LPP: variants seen among roughly 807,000 people sequenced by gnomAD.
LPP encodes lipoma-preferred partner.
LPP carries 38 observed loss-of-function variants against 60.4 expected under a neutral mutation model. The ratio of observed to expected loss-of-function variants is 0.63; its 90% CI spans 0.49 to 0.83. The LOEUF is 0.83. Ranked by LOEUF, LPP falls within the 40% of genes least tolerant of loss-of-function variation. The pLI, the probability that LPP is intolerant of heterozygous loss-of-function variation, is 0.00. For missense variants in LPP, 902 were observed against 783.6 expected (o/e 1.15, Z -1.80); for synonymous variants, 328 against 290.8 (o/e 1.13, Z -1.30).
intron 6 of LPP, among the ~76,000 whole-genome samples, chr3:188,560,779 AG>A (rs1337526381): frequency 5.9e-5 from 9 of 152,126 alleles, no homozygotes; most frequent in African/African-American, 1.9e-4. Flanking sequence ...ACCTCTACAA[AG>A]GCTGTCCTTC....
chr3:188,345,002 C>G (rs1334550971), intron 3 of LPP, among the ~76,000 whole-genome samples: 34 of 152,118 alleles, frequency 2.2e-4, no homozygotes, highest in Admixed American at 2.2e-3. Context: ...AATGTCAAAG[C>G]CAGAGGGGAC....
intron 9 of LPP, among the ~76,000 whole-genome samples, chr3:188,820,567 G>A (rs1434472015): frequency 6.6e-6 from 1 of 152,110 alleles, no homozygotes; most frequent in East Asian, 1.9e-4. Context: ...TACATTCTGT[G>A]TGTTTGCTTC....
chr3:188,482,003 G>T (rs1474495707), intron 4 of LPP, among the ~76,000 whole-genome samples: 1 of 152,184 alleles, frequency 6.6e-6, no homozygotes. Context: ...GGTGGGAGGG[G>T]ATTGGATCAT....
chr3:188,622,522 T>C (rs1435486004), intron 7 of LPP, among the ~76,000 whole-genome samples: 6 of 152,206 alleles, frequency 3.9e-5, no homozygotes, highest in Admixed American at 6.5e-5. Context: ...GGAGGAAATA[T>C]GTGGTTTTTG....
intron 9 of LPP, among the ~76,000 whole-genome samples, chr3:188,800,825 T>C (rs1225136664): frequency 6.6e-6 from 1 of 152,232 alleles, no homozygotes; most frequent in Non-Finnish European, 1.5e-5. Context: ...CTATGCTTAG[T>C]AACTGCTTGC....
intron 9 of LPP, among the ~76,000 whole-genome samples, chr3:188,781,850 C>G (rs1215964293): frequency 1.3e-5 from 2 of 150,386 alleles, no homozygotes; most frequent in African/African-American, 4.9e-5. Flanking sequence ...TGAGATCATG[C>G]CACTGCACTC....
chr3:188,627,237 C>G (rs73888859), intron 7 of LPP, among the ~76,000 whole-genome samples: 3,365 of 152,212 alleles, frequency 0.022, 129 homozygotes, highest in African/African-American at 0.075. Context: ...ACTATACTAT[C>G]AAGTCTACAT....
At chr3:188,262,965 G>A (rs1245102232) in intron 2 of LPP, among the ~76,000 whole-genome samples, 2 of 152,014 alleles carry the variant, frequency 1.3e-5, no homozygotes, top group Admixed American at 6.5e-5. Context: ...GGAAAAATAC[G>A]TCAGCTCCAA....
chr3:188,165,182 G>A (rs1021456925), intron 1 of LPP, among the ~76,000 whole-genome samples: 1 of 151,966 alleles, frequency 6.6e-6, no homozygotes, highest in Non-Finnish European at 1.5e-5. Context: ...AGGCTGAGGC[G>A]GGAGGATCCC....
chr3:188,739,344 A>G (rs1342848615), intron 8 of LPP, among the ~76,000 whole-genome samples: 1 of 152,066 alleles, frequency 6.6e-6, no homozygotes, highest in Non-Finnish European at 1.5e-5. Flanking sequence ...TTTTTGGAGA[A>G]GATAGCATTT....
At chr3:188,162,080 T>C (rs1032415985) in intron 1 of LPP, among the ~76,000 whole-genome samples, 3 of 152,212 alleles carry the variant, frequency 2.0e-5, no homozygotes, top group African/African-American at 7.2e-5. Context: ...AGGTAGATCC[T>C]CCTGTGTTTG....
chr3:188,349,108 T>C (rs16863193), intron 3 of LPP, among the ~76,000 whole-genome samples: 8,877 of 152,242 alleles, frequency 0.058, 678 homozygotes, highest in African/African-American at 0.18. Flanking sequence ...TTGTGGGTGA[T>C]AACTGTTCAT....
At chr3:188,313,945 G>A (rs964781823) in intron 2 of LPP, among the ~76,000 whole-genome samples, 1 of 151,714 alleles carries the variant, frequency 6.6e-6, no homozygotes, top group Non-Finnish European at 1.5e-5. Context: ...CTGTGTTTGG[G>A]GTCTGGATTT....
intron 9 of LPP, among the ~76,000 whole-genome samples, chr3:188,787,247 G>A (rs542575701): frequency 2.9e-4 from 44 of 152,106 alleles, no homozygotes; most frequent in African/African-American, 1.0e-3. Flanking sequence ...AGATCTCTAC[G>A]TTATTTCTTT....
chr3:188,552,552 G>A (rs1266442772), intron 6 of LPP, among the ~76,000 whole-genome samples: 1 of 152,124 alleles, frequency 6.6e-6, no homozygotes, highest in Admixed American at 6.5e-5. Flanking sequence ...AGGACTCACT[G>A]GGTTAAGATG....
intron 2 of LPP, among the ~76,000 whole-genome samples, chr3:188,315,144 T>C (rs907604156): frequency 2.0e-5 from 3 of 152,136 alleles, no homozygotes; most frequent in African/African-American, 7.2e-5. Context: ...TTTGTTAAAT[T>C]ATAGTTTTTT....
chr3:188,716,039 G>T (rs570252905), intron 8 of LPP, among the ~76,000 whole-genome samples: 2 of 152,160 alleles, frequency 1.3e-5, no homozygotes, highest in Non-Finnish European at 2.9e-5. Context: ...TAAAATTATT[G>T]AGTGAGCTAT....
chr3:188,442,004 A>G (rs1281639541), intron 4 of LPP, among the ~76,000 whole-genome samples: 1 of 152,308 alleles, frequency 6.6e-6, no homozygotes, highest in East Asian at 1.9e-4. Context: ...TACACTCTAC[A>G]GGGGCATCAT....
chr3:188,504,814 G>A (rs893877877), intron 5 of LPP, among the ~76,000 whole-genome samples: 4 of 151,880 alleles, frequency 2.6e-5, no homozygotes, highest in Admixed American at 2.0e-4. Flanking sequence ...AAAAAGGACT[G>A]GCCTTTTGAG....
Sources: gnomAD v4.1 joint callset for allele counts (sites outside exome capture counted in the v4.1 genomes callset) on GRCh38, gnomAD v4.1.1 for gene constraint, MANE v1.5 for transcripts, NCBI Gene and HGNC (gene_info 2026-07-23, HGNC 2026-07-21) for gene names.